Variants in PCLO observed in about 807,000 individuals in gnomAD.
PCLO encodes the protein protein piccolo.
In PCLO, 82 loss-of-function variants were observed where a neutral mutation model predicts 427.5. That is an observed-to-expected ratio of 0.19 (90% CI 0.16 to 0.23). The LOEUF is 0.23. Among genes scored for constraint, PCLO ranks in the 10% least tolerant of loss-of-function variants. The pLI is 1.00. For synonymous variants in PCLO, 2,357 were observed against 2,155.4 expected, an observed-to-expected ratio of 1.09 and a Z score of -2.59; for missense variants, 6,239 against 6,115.9, an observed-to-expected ratio of 1.02 and a Z score of -0.67.
rs760296228 is a variant in PCLO at position 83,134,504 on chromosome 7, G to A, written c.3046C>T (p.Pro1016Ser). 9.3e-6 allele frequency: 15 copies of A among 1,613,804 alleles called. No individual in the cohort carries two copies. Among genetic ancestry groups the A allele is most frequent in the Non-Finnish European group, 1.3e-5 (15 of 1,179,842 alleles). ...EKLEPKAEQA[P>S]TVKRTETEKK... ...TCTGTTTCTGTTCTTTTTACTGTTG[G>A]AGCTTGTTCAGCTTTGGGCTCTAAT... Residue 1016 changes from proline to serine, a missense_variant, in exon 3 of 25, where the codon CCA becomes TCA. Around this residue, in one of 5 missense-constraint regions of PCLO, gnomAD observed 4,677 missense variants for 4,468.4 expected, o/e 1.05. Coordinates refer to ENST00000333891, the MANE Select transcript of PCLO (RefSeq NM_033026.6).
intron 2 of PCLO, among the ~76,000 whole-genome samples, chr7:83,141,254 T>C (rs1195579628): frequency 1.3e-5 from 2 of 149,798 alleles, no homozygotes; most frequent in Non-Finnish European, 3.0e-5. Flanking sequence ...CTTAGTTCCA[T>C]GTGCACACAT....
chr7:82,980,418 T>G (rs1410410654), intron 3 of PCLO, among the ~76,000 whole-genome samples: 1 of 152,070 alleles, frequency 6.6e-6, no homozygotes, highest in East Asian at 1.9e-4. Flanking sequence ...TCTCACTGCC[T>G]GAAACGTTCA....
chr7:82,763,760 C>T (rs1013127154), intron 22 of PCLO, among the ~76,000 whole-genome samples: 4 of 151,978 alleles, frequency 2.6e-5, no homozygotes, highest in Admixed American at 1.3e-4. Context: ...AACTAAAATA[C>T]AAATCTTCCA....
chr7:82,958,305 TTCCTTCCTTCA>T (rs1334800098), intron 4 of PCLO, among the ~76,000 whole-genome samples: 6 of 150,562 alleles, frequency 4.0e-5, no homozygotes, highest in East Asian at 2.0e-4. Flanking sequence ...TCCTTCCTTC[TTCCTTCCTTCA>T]TCCTTCCTTC....
chr7:82,934,880 A>C (rs1794915351), intron 6 of PCLO, among the ~76,000 whole-genome samples: 1 of 151,614 alleles, frequency 6.6e-6, no homozygotes, highest in African/African-American at 2.4e-5. Context: ...ATTATGATAA[A>C]TGGCTAATTG....
intron 3 of PCLO, among the ~76,000 whole-genome samples, chr7:82,990,142 A>G (rs947007513): frequency 2.6e-5 from 4 of 152,142 alleles, no homozygotes; most frequent in Non-Finnish European, 4.4e-5. Context: ...GAGAGGTTGT[A>G]GGAGTTGAGG....
rs116663786 is a variant in PCLO, at chr7:83,048,874, C to T, written c.3301-82387G>A. On this transcript the variant is annotated intron_variant, in intron 3 of 24. Coordinates refer to ENST00000333891, the MANE Select transcript of PCLO (RefSeq NM_033026.6). Reference sequence around the variant, plus strand: ...ACTATTCTGAGCCCACTATAATACACTTACTTGGCTATTTAACATGCACTT... The same window carrying T: ...ACTATTCTGAGCCCACTATAATACATTTACTTGGCTATTTAACATGCACTT... Among the ~76,000 whole-genome samples the T allele has an allele frequency of 4.8e-3, 734 of 152,254 alleles. 7 individuals are homozygous for T. The highest frequency in any genetic ancestry group is 0.016 in the African/African-American group (680 of 41,566).
rs192435957 is a variant in PCLO, at chr7:83,054,341, A to G, written c.3300+79909T>C. Among the ~76,000 whole-genome samples the G allele has an allele frequency of 4.0e-4, 61 of 152,140 alleles. No homozygotes were observed. In the East Asian group the frequency reaches 0.01, roughly 25 times the overall value. On this transcript the variant is annotated intron_variant, in intron 3 of 24. Coordinates refer to ENST00000333891, the MANE Select transcript of PCLO (RefSeq NM_033026.6). ...AGTATGCCTTAATATTGGAAATCCA[A>G]CCAGCCCTGAAAGATAAATAGTTTC... is the stretch of plus-strand genomic sequence containing the variant.
chr7:83,162,541 C>T lies in PCLO; in HGVS notation c.52G>A (p.Ala18Thr), dbSNP rs1156649479. The T allele has an allele frequency of 6.4e-7, 1 of 1,553,924 alleles. No homozygotes were observed. Among genetic ancestry groups the T allele is most frequent in the Non-Finnish European group, 8.7e-7 (1 of 1,150,044 alleles). The part of the protein sequence containing the change: ...EGEGLPEGLA[A>T]AAAAGGGASG... ...GCTCCTCCTCCAGCCGCTGCGGCCG[C>T]CGCCAGCCCTTCGGGGAGCCCTTCC... The change falls in exon 1 of 25, where the codon GCG becomes ACG. Residue 18 changes from alanine to threonine, a missense_variant. Coordinates refer to ENST00000333891, the MANE Select transcript of PCLO (RefSeq NM_033026.6).
At chr7:83,044,152 G>T (rs1789045910) in intron 3 of PCLO, among the ~76,000 whole-genome samples, 2 of 151,932 alleles carry the variant, frequency 1.3e-5, no homozygotes, top group South Asian at 4.1e-4. Flanking sequence ...GACAGCAAGG[G>T]AAACTGCCAC....
chr7:83,009,478 G>A (rs1788025955), intron 3 of PCLO, among the ~76,000 whole-genome samples: 1 of 151,822 alleles, frequency 6.6e-6, no homozygotes, highest in South Asian at 2.1e-4. Context: ...AATGGTTGAA[G>A]TATAATGAGA....
At chr7:83,012,855 T>C (rs1199481036) in intron 3 of PCLO, among the ~76,000 whole-genome samples, 2 of 152,094 alleles carry the variant, frequency 1.3e-5, no homozygotes, top group African/African-American at 4.8e-5. Flanking sequence ...CCAGGTGTTT[T>C]AGTTTTAGAT....
At chr7:83,030,892 T>C (rs1788650024) in intron 3 of PCLO, among the ~76,000 whole-genome samples, 1 of 152,182 alleles carries the variant, frequency 6.6e-6, no homozygotes, top group African/African-American at 2.4e-5. Context: ...CACTTTTTTA[T>C]CGTAAAACTT....
At chr7:83,093,492 A>ATATATATATATTTTTTTT in intron 3 of PCLO, among the ~76,000 whole-genome samples, 3 of 59,318 alleles carry the variant, frequency 5.1e-5, no homozygotes, top group African/African-American at 1.6e-4. Flanking sequence ...ATATATATAT[A>ATATATATATATTTTTTTT]TTTTTTTTTT....
At chr7:82,805,943 A>G in intron 20 of PCLO, 114 bp from the exon 21 acceptor site, 1 of 1,013,756 alleles carries the variant, frequency 9.9e-7, no homozygotes, top group East Asian at 2.7e-5. Flanking sequence ...CAGCTACTGA[A>G]GAACTCTACA....
At chr7:83,063,386 G>A (rs543897574) in intron 3 of PCLO, among the ~76,000 whole-genome samples, 1 of 152,138 alleles carries the variant, frequency 6.6e-6, no homozygotes, top group South Asian at 2.1e-4. Context: ...TGTCTGACTT[G>A]TGATTTTTGA....
chr7:83,050,763 A>T (rs80095804), intron 3 of PCLO, among the ~76,000 whole-genome samples: 26 of 150,492 alleles, frequency 1.7e-4, no homozygotes, highest in African/African-American at 5.6e-4. Flanking sequence ...AAAAAAAAAA[A>T]TTATCCGGGC....
chr7:82,861,684 T>C (rs1792960433), intron 10 of PCLO, among the ~76,000 whole-genome samples: 1 of 152,070 alleles, frequency 6.6e-6, no homozygotes, highest in Non-Finnish European at 1.5e-5. Flanking sequence ...TACACATTCT[T>C]TTCCTCAGCA....
intron 4 of PCLO, among the ~76,000 whole-genome samples, chr7:82,958,136 A>C (rs1795571224): frequency 6.6e-6 from 1 of 152,204 alleles, no homozygotes; most frequent in African/African-American, 2.4e-5. Flanking sequence ...GCTATAGCTC[A>C]TTCTAGCCTG....
Sources: gnomAD v4.1 joint callset for allele counts (sites outside exome capture counted in the v4.1 genomes callset) on GRCh38, gnomAD v4.1.1 for gene constraint, gnomAD v4.1.1 regional missense constraint, MANE v1.5 for transcripts, NCBI Gene and HGNC (gene_info 2026-07-23, HGNC 2026-07-21) for gene names.